GUCY2D: variants seen among roughly 807,000 people sequenced by gnomAD.
GUCY2D encodes retinal guanylyl cyclase 1.
In GUCY2D, 70 loss-of-function variants were observed where a neutral mutation model predicts 101.3. The ratio of observed to expected loss-of-function variants is 0.69; its 90% CI spans 0.57 to 0.84. GUCY2D has a LOEUF of 0.84. Among genes scored for constraint, GUCY2D ranks in the 40% least tolerant of loss-of-function variants. The pLI is 0.00. For missense variants in GUCY2D, 1,460 were observed against 1,542.5 expected (o/e 0.95, Z 0.90); for synonymous variants, 688 against 670.7 (o/e 1.03, Z -0.40).
At chr17:8,012,072 C>G in intron 8 of GUCY2D, 72 bp from the exon 9 acceptor site, 1 of 1,075,008 alleles carries the variant, frequency 9.3e-7, no homozygotes. Context: ...TACTCAAAAA[C>G]AGATCTTGAT....
Position 8,013,347 on chromosome 17 carries a change from G to A in GUCY2D, c.2263+95G>A. On this transcript the variant is annotated intron_variant, in intron 11 of 19. Coordinates refer to ENST00000254854, the MANE Select transcript of GUCY2D (RefSeq NM_000180.4). This position sits in a 1 kb window ranked among gnomAD's most constrained non-coding sequence, Gnocchi z 5.0. Reference sequence around the variant, plus strand: ...TCTTTCCTCTAAAGCAAAGCCCAGTGATGAAACTCAATTATACGGAGGCCC... The same window carrying A: ...TCTTTCCTCTAAAGCAAAGCCCAGTAATGAAACTCAATTATACGGAGGCCC... The A allele has an allele frequency of 2.3e-6, 3 of 1,284,932 alleles. No homozygotes were observed. Among genetic ancestry groups the A allele is most frequent in the Non-Finnish European group, 3.3e-6 (3 of 901,992 alleles). 79.6% of individuals were successfully genotyped at this position (1,284,932 alleles called of 1,614,324 possible). A position where few individuals can be genotyped will look rare whatever the true frequency, so the allele number is the denominator to read the frequency against.
rs1165509139 is a variant in GUCY2D, at chr17:8,011,149, TG to T, written c.1750-993del. Among the ~76,000 whole-genome samples the T allele has an allele frequency of 6.6e-6, 1 of 151,856 alleles. No individual in the cohort carries two copies. The highest frequency in any genetic ancestry group is 1.9e-4 in the East Asian group (1 of 5,154). ...ATCCCAGCACTTTGGGAGGCTGAGG[TG>T]GATGGACCACCTGAGGTCAGGAGTT... On this transcript the variant is annotated intron_variant, in intron 8 of 19. Coordinates refer to ENST00000254854, the MANE Select transcript of GUCY2D (RefSeq NM_000180.4). This position sits in a 1 kb window ranked among gnomAD's most constrained non-coding sequence, Gnocchi z 4.3.
In GUCY2D at chr17:8,006,465, G is replaced by T; in HGVS notation, c.1129G>T (p.Ala377Ser). The T allele has an allele frequency of 6.2e-7, 1 of 1,606,060 alleles. No homozygotes were observed. ...AGGTGGCAGATGGGTGTCCGGAGCA[G>T]CTGTGGCCCGCCACATCCGGGATGC... The part of the protein sequence containing the change: ...AAGGRWVSGA[A>S]VARHIRDAQV... The change falls in exon 4 of 20, where the codon GCT becomes TCT. Residue 377 changes from alanine (A) to serine (S), a missense_variant. Around this residue, in one of 3 missense-constraint regions of GUCY2D, gnomAD observed 1,196 missense variants for 1,229.6 expected, o/e 0.97. Coordinates refer to ENST00000254854, the MANE Select transcript of GUCY2D (RefSeq NM_000180.4).
At chr17:8,016,923 C>T (rs1367691081) in intron 19 of GUCY2D, 4 of 184,930 alleles carry the variant, frequency 2.2e-5, no homozygotes, top group Non-Finnish European at 4.5e-5. Context: ...GAAGCCGTGC[C>T]CACTCCCCTC....
chr17:8,012,493 TG>T lies in GUCY2D; in HGVS notation c.2001del (p.Lys668SerfsTer6). ...LHHRGVAHGR[L>X]KSRNCIVDGR... Reference sequence around the variant, plus strand: ...CATCGAGGCGTGGCTCATGGGCGGCTGAAGTCACGGAACTGCATAGTGGATG... The same window carrying T: ...CATCGAGGCGTGGCTCATGGGCGGCTAAGTCACGGAACTGCATAGTGGATG... On this transcript the variant is annotated frameshift_variant, in exon 10 of 20. Coordinates refer to ENST00000254854, the MANE Select transcript of GUCY2D (RefSeq NM_000180.4). LOFTEE classifies it high-confidence loss of function. 2 of 1,614,048 alleles carry T rather than the reference TG, an allele frequency of 1.2e-6. No homozygotes were observed. Among genetic ancestry groups the T allele is most frequent in the South Asian group, 2.2e-5 (2 of 91,084 alleles).
chr17:8,015,291 C>G, intron 14 of GUCY2D, 37 bp from the exon 15 acceptor site: 1 of 1,588,258 alleles, frequency 6.3e-7, no homozygotes, highest in African/African-American at 1.3e-5. Context: ...GGGGGGAATG[C>G]TCAAAAGAAA....
intron 7 of GUCY2D, 145 bp from the exon 8 acceptor site, chr17:8,009,361 A>G: frequency 1.3e-6 from 1 of 752,784 alleles, no homozygotes; most frequent in South Asian, 1.4e-5. Context: ...GGCATACATC[A>G]AACCCCTTGG....
At position 8,004,039 on chromosome 17, in the gene GUCY2D, G is replaced by A. The variant is rs772311336; in HGVS notation, c.909G>A (p.Arg303=). ...AALANSSQLR[R]AHDAVLTLTR... is the part of the protein sequence containing the mutation. ...TCGCCAACAGCTCCCAGCTTCGCAGGGCCCACGATGCCGTGCTCACCCTCA... is the reference window on the plus strand; with the variant it reads ...TCGCCAACAGCTCCCAGCTTCGCAGAGCCCACGATGCCGTGCTCACCCTCA... The change falls in exon 3 of 20, where the codon AGG becomes AGA. Residue 303 remains arginine, a synonymous_variant. Transcript: ENST00000254854. 2 of 1,611,042 alleles carry A rather than the reference G, an allele frequency of 1.2e-6. No homozygotes were observed. The highest frequency in any genetic ancestry group is 3.3e-5 in the Admixed American group (2 of 60,024).
chr17:8,008,985 G>A (rs4791452), intron 7 of GUCY2D, among the ~76,000 whole-genome samples: 3,048 of 152,330 alleles, frequency 0.02, 64 homozygotes, highest in South Asian at 0.066. Flanking sequence ...ATGATGGCAG[G>A]AGGTCATTGA....
chr17:8,014,597 C>A lies in GUCY2D; in HGVS notation c.2413-4C>A. ...CAGCTTTACCAGCTTCCTTCTACTG[C>A]TAGTTCAAGAACATCAACAAGGGCC... On this transcript the variant is annotated splice_polypyrimidine_tract_variant and splice_region_variant and intron_variant, in intron 12 of 19. Transcript: ENST00000254854. The surrounding 1 kb of genome is among the most constrained non-coding windows in gnomAD (Gnocchi z 4.0). The A allele has an allele frequency of 4.3e-6, 7 of 1,613,880 alleles. No homozygotes were observed. The highest frequency in any genetic ancestry group is 2.2e-5 in the East Asian group (1 of 44,898).
intron 3 of GUCY2D, among the ~76,000 whole-genome samples, chr17:8,004,800 C>G (rs1211776035): frequency 1.3e-5 from 2 of 152,158 alleles, no homozygotes; most frequent in African/African-American, 4.8e-5. Flanking sequence ...AGTGAATTAA[C>G]CACCACAAAG....
rs757273041 is a variant in GUCY2D, at chr17:8,012,433, ACCCTACCCATT to A, written c.1957-14_1957-4del. 2.5e-6 allele frequency: 4 copies of A among 1,613,628 alleles called. No individual in the cohort carries two copies. In the African/African-American group the frequency reaches 5.3e-5, roughly 22 times the overall value. ...ACCAAGCAGGCTGAGGCTGCCTCTT[ACCCTACCCATT>A]CCAAGGGAATAAGGTATCTGCACCA... On this transcript the variant is annotated splice_polypyrimidine_tract_variant and splice_region_variant and intron_variant, in intron 9 of 19. Coordinates refer to ENST00000254854, the MANE Select transcript of GUCY2D (RefSeq NM_000180.4).
At position 8,013,030 on chromosome 17, in the gene GUCY2D, G is replaced by A. The variant is rs1975886682; in HGVS notation, c.2114-73G>A. On this transcript the variant is annotated intron_variant, in intron 10 of 19. Coordinates refer to ENST00000254854, the MANE Select transcript of GUCY2D (RefSeq NM_000180.4). This position sits in a 1 kb window ranked among gnomAD's most constrained non-coding sequence, Gnocchi z 5.0. ...AGGCTGCAGGGTTGGTGGTGTCTGGGTGCCAACCTGGGCTTTCTGGTGAGG... is the reference window on the plus strand; with the variant it reads ...AGGCTGCAGGGTTGGTGGTGTCTGGATGCCAACCTGGGCTTTCTGGTGAGG... 6.9e-7 allele frequency: 1 copy of A among 1,454,644 alleles called. No individual in the cohort carries two copies. The highest frequency in any genetic ancestry group is 2.3e-5 in the East Asian group (1 of 43,810). The allele number at this position is 1,454,644 out of a possible 1,614,324, so 90.1% of individuals were successfully genotyped here. A position where few individuals can be genotyped will look rare whatever the true frequency, so the allele number is the denominator to read the frequency against.
intron 7 of GUCY2D, among the ~76,000 whole-genome samples, chr17:8,008,654 A>G (rs1407012178): frequency 6.6e-6 from 1 of 152,082 alleles, no homozygotes; most frequent in Non-Finnish European, 1.5e-5. Flanking sequence ...TCACCTAGAG[A>G]TCATCATGGC....
chr17:8,016,037 A>G lies in GUCY2D; in HGVS notation c.3138+16A>G. The G allele has an allele frequency of 6.3e-7, 1 of 1,590,400 alleles. No individual in the cohort carries two copies. The highest frequency in any genetic ancestry group is 8.6e-7 in the Non-Finnish European group (1 of 1,167,168). On this transcript the variant is annotated intron_variant, in intron 17 of 19. Transcript: ENST00000254854. Reference sequence around the variant, plus strand: ...GGAGCTGAAGGTGAGGCAGGGCCCCAACCCCTCCCGGAGGCCCCGCCCTGT... The same window carrying G: ...GGAGCTGAAGGTGAGGCAGGGCCCCGACCCCTCCCGGAGGCCCCGCCCTGT...
In GUCY2D at chr17:8,013,055, G is replaced by A. The variant is rs1327148894; in HGVS notation, c.2114-48G>A. 4 of 1,586,906 alleles carry A rather than the reference G, an allele frequency of 2.5e-6. No homozygotes were observed. Among genetic ancestry groups the A allele is most frequent in the Non-Finnish European group, 2.6e-6 (3 of 1,164,146 alleles). ...GTGCCAACCTGGGCTTTCTGGTGAGGGTGGGAGTCTTTCCCCAGCGGCGCC... is the reference window on the plus strand; with the variant it reads ...GTGCCAACCTGGGCTTTCTGGTGAGAGTGGGAGTCTTTCCCCAGCGGCGCC... On this transcript the variant is annotated intron_variant, in intron 10 of 19. Coordinates refer to ENST00000254854, the MANE Select transcript of GUCY2D (RefSeq NM_000180.4). This position sits in a 1 kb window ranked among gnomAD's most constrained non-coding sequence, Gnocchi z 5.0.
chr17:8,016,100 C>T, intron 17 of GUCY2D, 79 bp downstream of exon 17: 1 of 1,388,784 alleles, frequency 7.2e-7, no homozygotes, highest in Admixed American at 2.0e-5. Flanking sequence ...GGCTGCAAAC[C>T]TCAGCTCACC....
rs747098258 is a variant in GUCY2D at position 8,015,869 on chromosome 17, G to T, written c.3043+28G>T. 3 of 1,602,772 alleles carry T rather than the reference G, an allele frequency of 1.9e-6. 1 individual carries two copies. In the South Asian group the frequency reaches 3.3e-5, roughly 18 times the overall value. On this transcript the variant is annotated intron_variant, in intron 16 of 19. Transcript: ENST00000254854. ...GAGTGTGACGGGGACAAGACGGGGA[G>T]GTGGGAGGGGGACACGGGAGGTGAG...
At chr17:8,006,839 C>T in intron 4 of GUCY2D, 125 bp downstream of exon 4, 1 of 950,928 alleles carries the variant, frequency 1.1e-6, no homozygotes, top group Non-Finnish European at 1.6e-6. Flanking sequence ...CTCCCAGCCT[C>T]TGGCTTGCAC....
Sources: allele counts gnomAD v4.1 joint callset (sites outside exome capture counted in the v4.1 genomes callset), GRCh38; gene constraint gnomAD v4.1.1; regional missense constraint gnomAD v4.1.1; non-coding constraint Gnocchi (gnomAD v3.1); transcripts MANE v1.5; gene names NCBI Gene and HGNC (gene_info 2026-07-23, HGNC 2026-07-21).